Variants in SH3RF1 observed in about 807,000 individuals in gnomAD.
SH3RF1 encodes E3 ubiquitin-protein ligase SH3RF1.
In SH3RF1, 32 loss-of-function variants were observed where a neutral mutation model predicts 74.0. The observed-to-expected ratio is 0.43, with a 90% CI of 0.33 to 0.58. The LOEUF is 0.58. SH3RF1 is among the 20% of genes least tolerant of loss of function. SH3RF1 has a pLI of 0.05. For missense variants in SH3RF1, 954 were observed against 1,130.9 expected (o/e 0.84, Z 2.24); for synonymous variants, 396 against 439.6 (o/e 0.90, Z 1.24).
At chr4:169,200,850 G>C (rs1734895845) in intron 2 of SH3RF1, among the ~76,000 whole-genome samples, 1 of 152,152 alleles carries the variant, frequency 6.6e-6, no homozygotes, top group Admixed American at 6.5e-5. Context: ...ACTGAGATGA[G>C]TAAACTGGTA....
chr4:169,096,392 A>C lies in SH3RF1; in HGVS notation c.*127T>G. ...TGGGGTAACTGTGCTGGGGCATCAG[A>C]GTCACATACCAATCCTTTGCTCATC... is the stretch of plus-strand genomic sequence containing the variant. On this transcript the variant is annotated 3_prime_UTR_variant, in exon 12 of 12. Transcript: ENST00000284637. The C allele has an allele frequency of 1.0e-6, 1 of 956,264 alleles. No homozygotes were observed. The highest frequency in any genetic ancestry group is 1.6e-6 in the Non-Finnish European group (1 of 638,022). 59.2% of individuals were successfully genotyped at this position (956,264 alleles called of 1,614,324 possible). A position where few individuals can be genotyped will look rare whatever the true frequency, so the allele number is the denominator to read the frequency against.
At chr4:169,109,577 T>C (rs111549277) in intron 10 of SH3RF1, among the ~76,000 whole-genome samples, 268 of 152,284 alleles carry the variant, frequency 1.8e-3, no homozygotes, top group African/African-American at 6.0e-3. Flanking sequence ...TTCAATGGCA[T>C]ATTCTGATTT....
Position 169,095,547 on chromosome 4 carries a change from C to T in SH3RF1, c.*972G>A, listed in dbSNP as rs1337500393. 3.3e-5 allele frequency: 5 copies of T among 152,534 alleles called. No homozygotes were observed. Among genetic ancestry groups the T allele is most frequent in the Non-Finnish European group, 7.3e-5 (5 of 68,034 alleles). The allele number at this position is 152,534 out of a possible 1,614,324, so 9.4% of individuals were successfully genotyped here. ...GTTTCTTATAGCCTTTGACTTAACA[C>T]GAGTGCATCACTTACCACCACTATC... On this transcript the variant is annotated 3_prime_UTR_variant, in exon 12 of 12. Transcript: ENST00000284637.
chr4:169,222,519 A>G (rs1368955514), intron 2 of SH3RF1, among the ~76,000 whole-genome samples: 2 of 149,156 alleles, frequency 1.3e-5, no homozygotes, highest in Non-Finnish European at 3.0e-5. Flanking sequence ...ATTTATATAT[A>G]TATATAAATC....
chr4:169,242,706 T>C (rs1178814336), intron 2 of SH3RF1, among the ~76,000 whole-genome samples: 1 of 152,200 alleles, frequency 6.6e-6, no homozygotes, highest in Non-Finnish European at 1.5e-5. Context: ...TGGACTGTCC[T>C]TTATGAAGGG....
chr4:169,253,741 A>T (rs1731141379), intron 2 of SH3RF1, among the ~76,000 whole-genome samples: 1 of 152,212 alleles, frequency 6.6e-6, no homozygotes, highest in African/African-American at 2.4e-5. Context: ...TTGCATTCTA[A>T]AAGATTTGCA....
intron 8 of SH3RF1, among the ~76,000 whole-genome samples, chr4:169,118,210 T>A (rs932242093): frequency 2.0e-5 from 3 of 152,198 alleles, no homozygotes; most frequent in Admixed American, 2.0e-4. Flanking sequence ...CATGTGCCCA[T>A]GTACATGCAT....
At chr4:169,243,740 T>A (rs1434317420) in intron 2 of SH3RF1, among the ~76,000 whole-genome samples, 3 of 152,200 alleles carry the variant, frequency 2.0e-5, no homozygotes, top group East Asian at 1.9e-4. Context: ...ATTCAAGAAG[T>A]CTTGCTTTCA....
At chr4:169,239,056 G>A (rs746006317) in intron 2 of SH3RF1, among the ~76,000 whole-genome samples, 11 of 150,894 alleles carry the variant, frequency 7.3e-5, no homozygotes, top group Admixed American at 4.6e-4. Context: ...GCACAGTGCC[G>A]TTCTGGGTCA....
chr4:169,165,808 C>T (rs993997006), intron 2 of SH3RF1, among the ~76,000 whole-genome samples: 17 of 152,124 alleles, frequency 1.1e-4, no homozygotes, highest in African/African-American at 3.9e-4. Flanking sequence ...AATAAACCTA[C>T]ACACATATAA....
chr4:169,181,118 G>A (rs1734503211), intron 2 of SH3RF1, among the ~76,000 whole-genome samples: 3 of 152,104 alleles, frequency 2.0e-5, no homozygotes, highest in African/African-American at 7.2e-5. Context: ...TATACAGTGA[G>A]CCGTGCTGAA....
chr4:169,199,720 CA>C (rs1465777307), intron 2 of SH3RF1, among the ~76,000 whole-genome samples: 1 of 151,612 alleles, frequency 6.6e-6, no homozygotes, highest in South Asian at 2.1e-4. Context: ...AGAAAACAAA[CA>C]AAATTCAAAC....
chr4:169,257,431 A>T (rs111323659), intron 2 of SH3RF1, among the ~76,000 whole-genome samples: 21 of 152,316 alleles, frequency 1.4e-4, no homozygotes, highest in African/African-American at 4.1e-4. Context: ...AAAATTATCA[A>T]CAACATCCTT....
In SH3RF1 at chr4:169,269,314, T is replaced by A; in HGVS notation, c.-95-7A>T. ...ATCCATTTCAGACTTTGCTCTAGAG[T>A]CATGGGGAAAAGGGGGAAAAGAGAA... is the stretch of plus-strand genomic sequence containing the variant. On this transcript the variant is annotated splice_polypyrimidine_tract_variant and splice_region_variant and intron_variant, in intron 1 of 11. Coordinates refer to ENST00000284637, the MANE Select transcript of SH3RF1 (RefSeq NM_020870.4). The A allele has an allele frequency of 1.6e-6, 2 of 1,280,138 alleles. No homozygotes were observed. Among genetic ancestry groups the A allele is most frequent in the Non-Finnish European group, 2.1e-6 (2 of 951,234 alleles). 79.3% of individuals were successfully genotyped at this position (1,280,138 alleles called of 1,614,324 possible). A position where few individuals can be genotyped will look rare whatever the true frequency, so the allele number is the denominator to read the frequency against.
intron 2 of SH3RF1, among the ~76,000 whole-genome samples, chr4:169,176,345 G>A (rs76831279): frequency 0.018 from 2,696 of 152,136 alleles, 73 homozygotes; most frequent in African/African-American, 0.062. Context: ...TTTGAATGAC[G>A]GTACATTAGG....
chr4:169,213,167 T>G (rs1020083823), intron 2 of SH3RF1, among the ~76,000 whole-genome samples: 5 of 152,254 alleles, frequency 3.3e-5, no homozygotes, highest in Admixed American at 3.3e-4. Flanking sequence ...GAATGAGAAT[T>G]CCTGTTGATC....
intron 4 of SH3RF1, among the ~76,000 whole-genome samples, chr4:169,141,444 G>A (rs1733785335): frequency 6.6e-6 from 1 of 152,136 alleles, no homozygotes; most frequent in Non-Finnish European, 1.5e-5. Context: ...CCTAAAAGTA[G>A]AATTTGCTAG....
chr4:169,244,740 A>G (rs967016408), intron 2 of SH3RF1, among the ~76,000 whole-genome samples: 1 of 152,152 alleles, frequency 6.6e-6, no homozygotes, highest in Non-Finnish European at 1.5e-5. Flanking sequence ...CCAAAACACA[A>G]TGACAACGCC....
chr4:169,269,146 CA>C lies in SH3RF1; in HGVS notation c.66del (p.Ala23ArgfsTer19). ...GTATGCTGGCAAGGCAAGACCTTCG[CA>C]GAAGCATCAAGGCGCTCTAGACACA... ...CPVCLERLDASAKVLPCQHTF... is the reference protein window; with the variant it reads ...CPVCLERLDAXAKVLPCQHTF... On this transcript the variant is annotated frameshift_variant, in exon 2 of 12. Transcript: ENST00000284637. LOFTEE classifies it high-confidence loss of function. 1 of 1,612,890 alleles carries C rather than the reference CA, an allele frequency of 6.2e-7. No homozygotes were observed. The highest frequency in any genetic ancestry group is 8.5e-7 in the Non-Finnish European group (1 of 1,179,936).
Sources: allele counts gnomAD v4.1 joint callset (sites outside exome capture counted in the v4.1 genomes callset), GRCh38; gene constraint gnomAD v4.1.1; transcripts MANE v1.5; gene names NCBI Gene and HGNC (gene_info 2026-07-23, HGNC 2026-07-21).